Variants in CALN1 observed in about 807,000 individuals in gnomAD.
CALN1 encodes calcium-binding protein 8.
Under a neutral mutation model 30.6 loss-of-function variants are expected in CALN1, and 17 were observed. The observed-to-expected ratio is 0.56, with a 90% CI of 0.38 to 0.83. CALN1 has a LOEUF of 0.83. Ranked by LOEUF, CALN1 falls within the 40% of genes least tolerant of loss-of-function variation. The pLI, the probability that CALN1 is intolerant of heterozygous loss-of-function variation, is 0.00. For missense variants in CALN1, 291 were observed against 354.9 expected (o/e 0.82, Z 1.45); for synonymous variants, 156 against 131.4 (o/e 1.19, Z -1.28).
At chr7:71,882,160 C>T (rs566167913) in intron 5 of CALN1, among the ~76,000 whole-genome samples, 3 of 152,320 alleles carry the variant, frequency 2.0e-5, no homozygotes, top group South Asian at 2.1e-4. Context: ...CATTTCCTCG[C>T]TTCTTTCAGC....
intron 4 of CALN1, among the ~76,000 whole-genome samples, chr7:72,073,975 A>G (rs1563033237): frequency 1.3e-5 from 2 of 152,104 alleles, no homozygotes; most frequent in African/African-American, 4.8e-5. Context: ...GATTGCAGGG[A>G]AAAGCCACCA....
chr7:72,395,293 T>G (rs1805848212), intron 2 of CALN1, among the ~76,000 whole-genome samples: 1 of 151,872 alleles, frequency 6.6e-6, no homozygotes, highest in Admixed American at 6.6e-5. Context: ...GGAGAGAAAA[T>G]AAACACTTAA....
intron 3 of CALN1, among the ~76,000 whole-genome samples, chr7:72,186,325 G>T (rs1362640515): frequency 1.3e-5 from 2 of 149,164 alleles, no homozygotes; most frequent in Non-Finnish European, 3.0e-5. Flanking sequence ...GAGGAGTCTG[G>T]GAGAAAATCC....
At chr7:71,898,887 C>T (rs757004309) in intron 5 of CALN1, among the ~76,000 whole-genome samples, 10 of 152,136 alleles carry the variant, frequency 6.6e-5, no homozygotes, top group Non-Finnish European at 1.3e-4. Flanking sequence ...GAGAAAGTGA[C>T]TGCTTGCTTA....
intron 2 of CALN1, among the ~76,000 whole-genome samples, chr7:72,372,952 C>T (rs1390866174): frequency 6.6e-6 from 1 of 151,034 alleles, no homozygotes; most frequent in Non-Finnish European, 1.5e-5. Context: ...AATTATCTGG[C>T]AAATTATCTG....
the CALN1 span, among the ~76,000 whole-genome samples, chr7:72,483,347 C>T: frequency 0.071 from 10,289 of 145,934 alleles, 1,246 homozygotes; most frequent in African/African-American, 0.24. Flanking sequence ...TGCAGTGGCA[C>T]GATCTCAGCT....
intron 6 of CALN1, 35 bp downstream of exon 6, chr7:71,810,301 C>T (rs569368548): frequency 8.1e-6 from 13 of 1,606,114 alleles, no homozygotes; most frequent in African/African-American, 8.0e-5. Flanking sequence ...TGGCCTGTCC[C>T]GGACCGGGGA....
chr7:71,896,817 T>C (rs901193545), intron 5 of CALN1, among the ~76,000 whole-genome samples: 4 of 152,158 alleles, frequency 2.6e-5, no homozygotes, highest in African/African-American at 9.7e-5. Context: ...TCTCTGTCCA[T>C]ACAGAGCTGC....
At position 72,063,078 on chromosome 7, in the gene CALN1, T is replaced by C. The variant is rs182998711; in HGVS notation, c.389-39309A>G. On this transcript the variant is annotated intron_variant, in intron 4 of 6. Coordinates refer to ENST00000395275, the MANE Select transcript of CALN1 (RefSeq NM_031468.4). Reference sequence around the variant, plus strand: ...TAGAGTCTAATACCTCTCATGAACTTAGACACAAAGACATAAGGTTTTCTT... The same window carrying C: ...TAGAGTCTAATACCTCTCATGAACTCAGACACAAAGACATAAGGTTTTCTT... Among the ~76,000 whole-genome samples the C allele has an allele frequency of 2.6e-4, 40 of 152,176 alleles. 1 individual carries two copies. Among genetic ancestry groups the C allele is most frequent in the Non-Finnish European group, 2.2e-4 (15 of 68,008 alleles).
At chr7:72,498,082 G>A in the CALN1 span, among the ~76,000 whole-genome samples, 1 of 152,004 alleles carries the variant, frequency 6.6e-6, no homozygotes, top group African/African-American at 2.4e-5. Flanking sequence ...TATGGGGGAT[G>A]GGGAAAGAAA....
intron 5 of CALN1, among the ~76,000 whole-genome samples, chr7:71,891,602 G>A (rs7811694): frequency 0.39 from 58,789 of 151,914 alleles, 13,602 homozygotes; most frequent in African/African-American, 0.64. Flanking sequence ...TAGGGTTCTT[G>A]AGAGAACTAA....
chr7:72,290,672 T>C (rs1798417237), intron 2 of CALN1, among the ~76,000 whole-genome samples: 1 of 152,240 alleles, frequency 6.6e-6, no homozygotes, highest in Admixed American at 6.5e-5. Context: ...TTCTTTAAAC[T>C]CTTTTTAATT....
chr7:71,964,171 T>C (rs1797410621), intron 5 of CALN1, among the ~76,000 whole-genome samples: 1 of 152,226 alleles, frequency 6.6e-6, no homozygotes, highest in African/African-American at 2.4e-5. Context: ...ATGGGAGTGT[T>C]CCTTTATCCC....
At chr7:72,316,752 T>A (rs1440768607) in intron 2 of CALN1, among the ~76,000 whole-genome samples, 2 of 151,880 alleles carry the variant, frequency 1.3e-5, no homozygotes, top group African/African-American at 4.8e-5. Context: ...AAGACCAACC[T>A]GTAACAGCAT....
intron 3 of CALN1, among the ~76,000 whole-genome samples, chr7:72,122,938 G>T (rs1373170592): frequency 2.6e-5 from 4 of 152,158 alleles, no homozygotes; most frequent in Non-Finnish European, 5.9e-5. Flanking sequence ...AGCACAATCA[G>T]GCAGCCTTTA....
chr7:71,995,361 T>G (rs1799202405), intron 5 of CALN1, among the ~76,000 whole-genome samples: 1 of 152,136 alleles, frequency 6.6e-6, no homozygotes, highest in South Asian at 2.1e-4. Flanking sequence ...GCAGCTGGAG[T>G]TTTTAGGCTG....
chr7:72,100,128 G>A (rs901656865), intron 4 of CALN1, among the ~76,000 whole-genome samples: 1 of 149,322 alleles, frequency 6.7e-6, no homozygotes, highest in Non-Finnish European at 1.5e-5. Flanking sequence ...GGCCGAAGAC[G>A]CTTAAATCTT....
chr7:71,802,877 G>A (rs1230903867), intron 6 of CALN1, among the ~76,000 whole-genome samples: 1 of 152,008 alleles, frequency 6.6e-6, no homozygotes, highest in East Asian at 1.9e-4. Flanking sequence ...ACAAAAATTA[G>A]CCGGGCATGG....
intron 3 of CALN1, among the ~76,000 whole-genome samples, chr7:72,151,748 A>C (rs1044919942): frequency 1.2e-4 from 18 of 151,994 alleles, no homozygotes; most frequent in African/African-American, 4.3e-4. Context: ...GTCTCACTCC[A>C]TGGTGTAGGC....
Sources: gnomAD v4.1 joint callset for allele counts (sites outside exome capture counted in the v4.1 genomes callset) on GRCh38, gnomAD v4.1.1 for gene constraint, MANE v1.5 for transcripts, NCBI Gene and HGNC (gene_info 2026-07-23, HGNC 2026-07-21) for gene names.